MYO3A: variants seen among roughly 807,000 people sequenced by gnomAD.
MYO3A encodes myosin-IIIa.
MYO3A carries 180 observed loss-of-function variants against 192.7 expected under a neutral mutation model. The observed-to-expected ratio is 0.93, with a 90% confidence interval of 0.83 to 1.06. The LOEUF (loss-of-function observed/expected upper bound fraction) is 1.06, where lower values mean the gene tolerates loss of function less well. Among genes scored for constraint, MYO3A ranks in the 50% least tolerant of loss-of-function variants. The pLI is 0.00. For synonymous variants in MYO3A, 628 were observed against 645.3 expected (o/e 0.97, Z 0.41); for missense variants, 1,896 against 1,905.0 (o/e 1.00, Z 0.09).
intron 26 of MYO3A, among the ~76,000 whole-genome samples, chr10:26,163,069 G>A (rs984249219): frequency 2.6e-5 from 4 of 152,254 alleles, no homozygotes; most frequent in African/African-American, 9.6e-5. Flanking sequence ...TAACTTTCAT[G>A]ACTGGAGCTC....
chr10:25,977,019 ACTTTT>A (rs1439036080), intron 4 of MYO3A, among the ~76,000 whole-genome samples: 2 of 152,228 alleles, frequency 1.3e-5, no homozygotes, highest in East Asian at 1.9e-4. Flanking sequence ...TTATCTTGTT[ACTTTT>A]CTTTATGTAA....
intron 6 of MYO3A, among the ~76,000 whole-genome samples, chr10:26,008,643 G>T (rs539632992): frequency 4.9e-4 from 74 of 151,820 alleles, no homozygotes; most frequent in African/African-American, 1.7e-3. Context: ...ACCATCACTG[G>T]CTATCAGAGA....
At chr10:25,953,776 A>G (rs1837365091) in intron 3 of MYO3A, among the ~76,000 whole-genome samples, 1 of 152,154 alleles carries the variant, frequency 6.6e-6, no homozygotes, top group Non-Finnish European at 1.5e-5. Context: ...TATTGATTTC[A>G]TGACTATTAA....
At chr10:26,183,000 G>T (rs16926640) in intron 31 of MYO3A, among the ~76,000 whole-genome samples, 1 of 152,106 alleles carries the variant, frequency 6.6e-6, no homozygotes, top group Non-Finnish European at 1.5e-5. Flanking sequence ...AGAACAAAAC[G>T]AACTGGCTTT....
At chr10:26,035,999 T>C (rs982642734) in intron 10 of MYO3A, among the ~76,000 whole-genome samples, 2 of 152,122 alleles carry the variant, frequency 1.3e-5, no homozygotes, top group Non-Finnish European at 2.9e-5. Flanking sequence ...AGTGGCGCCA[T>C]CTTGGCTCAC....
At position 26,174,183 on chromosome 10, in the gene MYO3A, A is replaced by T. The variant is rs758136082; in HGVS notation, c.3919A>T (p.Thr1307Ser). 5 of 1,614,076 alleles carry T rather than the reference A, an allele frequency of 3.1e-6. No individual in the cohort carries two copies. The highest frequency in any genetic ancestry group is 1.3e-5 in the African/African-American group (1 of 74,918). Reference protein sequence around the residue: ...NANSMEKEKKTSVVTQRAPIC... With the variant: ...NANSMEKEKKSSVVTQRAPIC... Reference sequence around the variant, plus strand: ...AAACAGCATGGAAAAAGAAAAGAAGACATCTGTAGTTACCCAGCGTGCACC... The same window carrying T: ...AAACAGCATGGAAAAAGAAAAGAAGTCATCTGTAGTTACCCAGCGTGCACC... The change falls in exon 30 of 35, where the codon ACA (threonine) becomes TCA (serine). Residue 1307 changes from threonine (T) to serine (S), a missense_variant. Coordinates refer to ENST00000642920, the MANE Select transcript of MYO3A (RefSeq NM_017433.5).
At chr10:26,020,842 C>T (rs910893580) in intron 7 of MYO3A, among the ~76,000 whole-genome samples, 4 of 152,212 alleles carry the variant, frequency 2.6e-5, no homozygotes, top group African/African-American at 9.6e-5. Context: ...CCTTGACTCT[C>T]AATTACATCT....
At chr10:25,998,921 G>A (rs1293852620) in intron 6 of MYO3A, among the ~76,000 whole-genome samples, 1 of 151,920 alleles carries the variant, frequency 6.6e-6, no homozygotes, top group Admixed American at 6.6e-5. Context: ...TTTTTGAGAT[G>A]GAGTCTCACT....
chr10:25,951,827 T>TAATTATATAAATATG (rs1837225150), intron 2 of MYO3A, among the ~76,000 whole-genome samples: 1 of 152,190 alleles, frequency 6.6e-6, no homozygotes, highest in Non-Finnish European at 1.5e-5. Flanking sequence ...TGCCTCTTAT[T>TAATTATATAAATATG]TTAATCTAAA....
At position 26,068,860 on chromosome 10, in the gene MYO3A, G is replaced by A; in HGVS notation, c.1146G>A (p.Gln382=). The change falls in exon 12 of 35, where the codon CAG becomes CAA. Residue 382 remains glutamine, a synonymous_variant. Coordinates refer to ENST00000642920, the MANE Select transcript of MYO3A (RefSeq NM_017433.5). ...GDILIALNPF[Q]SLGLYSTKHS... ...TACTCATTGCTCTTAACCCTTTTCA[G>A]AGTCTGGGTCTTTACTCCACAAAGG... The A allele has an allele frequency of 6.3e-7, 1 of 1,590,830 alleles. No individual in the cohort carries two copies. The highest frequency in any genetic ancestry group is 8.6e-7 in the Non-Finnish European group (1 of 1,158,968).
chr10:26,031,097 A>C (rs554595557), intron 10 of MYO3A, among the ~76,000 whole-genome samples: 1 of 152,342 alleles, frequency 6.6e-6, no homozygotes, highest in South Asian at 2.1e-4. Context: ...TAAACAGTTG[A>C]CTATCTGATT....
At chr10:26,020,195 T>C (rs551617421) in intron 7 of MYO3A, among the ~76,000 whole-genome samples, 2 of 152,216 alleles carry the variant, frequency 1.3e-5, no homozygotes, top group Non-Finnish European at 2.9e-5. Flanking sequence ...ATAGCATGCA[T>C]TGGCCTCTAT....
chr10:25,938,740 G>C (rs141009486), intron 2 of MYO3A, among the ~76,000 whole-genome samples: 11 of 152,294 alleles, frequency 7.2e-5, no homozygotes, highest in Non-Finnish European at 1.5e-4. Flanking sequence ...GCCATCTGCT[G>C]TCTTCTTAGC....
chr10:25,978,089 C>A (rs1322916865), intron 4 of MYO3A, among the ~76,000 whole-genome samples: 2 of 152,024 alleles, frequency 1.3e-5, no homozygotes, highest in Non-Finnish European at 2.9e-5. Flanking sequence ...TTCAAATATA[C>A]TGTGTGATTT....
At chr10:25,977,059 GA>G (rs1360693476) in intron 4 of MYO3A, among the ~76,000 whole-genome samples, 1 of 152,082 alleles carries the variant, frequency 6.6e-6, no homozygotes, top group Non-Finnish European at 1.5e-5. Context: ...GCTGGTTGAA[GA>G]AAAGTATATT....
At chr10:25,988,373 A>T (rs1386439450) in intron 4 of MYO3A, among the ~76,000 whole-genome samples, 30 of 151,132 alleles carry the variant, frequency 2.0e-4, no homozygotes, top group Admixed American at 1.6e-3. Context: ...TTTAAAAAAA[A>T]TTTAAATAAA....
In MYO3A at chr10:26,037,254, T is replaced by C. The variant is rs147558069; in HGVS notation, c.953+10722T>C. ...AAATCTTAATCATCTATGTCTCCAGTGCTGAGTCTAGTACTTTGCATGTAG... is the reference window on the plus strand; with the variant it reads ...AAATCTTAATCATCTATGTCTCCAGCGCTGAGTCTAGTACTTTGCATGTAG... On this transcript the variant is annotated intron_variant, in intron 10 of 34. Transcript: ENST00000642920. 2.4e-3 allele frequency among the ~76,000 whole-genome samples: 365 copies of C among 152,354 alleles called. 2 individuals are homozygous for C. Among genetic ancestry groups the C allele is most frequent in the African/African-American group, 8.4e-3 (349 of 41,582 alleles).
At chr10:26,101,913 T>G (rs1162660885) in intron 17 of MYO3A, among the ~76,000 whole-genome samples, 3 of 152,096 alleles carry the variant, frequency 2.0e-5, no homozygotes, top group African/African-American at 4.8e-5. Flanking sequence ...TTGTGGCATT[T>G]TCTGTATTTC....
intron 10 of MYO3A, among the ~76,000 whole-genome samples, chr10:26,057,378 C>A (rs907023116): frequency 6.6e-6 from 1 of 151,992 alleles, no homozygotes. Flanking sequence ...AGGGTTAACC[C>A]TGGAAAAAAA....
Sources: allele counts gnomAD v4.1 joint callset (sites outside exome capture counted in the v4.1 genomes callset), GRCh38; gene constraint gnomAD v4.1.1; transcripts MANE v1.5; gene names NCBI Gene and HGNC (gene_info 2026-07-23, HGNC 2026-07-21).